The following GPC5 variants were observed in gnomAD, a reference collection of about 807,000 sequenced individuals.
GPC5 encodes glypican 5.
A neutral mutation model predicts 53.9 loss-of-function variants in GPC5; 47 were observed. The observed-to-expected ratio is 0.87, with a 90% CI of 0.69 to 1.11. The LOEUF (loss-of-function observed/expected upper bound fraction) is 1.11. Ranked by LOEUF, GPC5 falls within the 50% of genes most tolerant of loss-of-function variation. GPC5 has a pLI of 0.00. For missense variants in GPC5, 748 were observed against 713.1 expected, an observed-to-expected ratio of 1.05 and a Z score of -0.56; for synonymous variants, 286 against 263.3, an observed-to-expected ratio of 1.09 and a Z score of -0.84.
At chr13:92,194,417 A>T (rs1434768187) in intron 7 of GPC5, among the ~76,000 whole-genome samples, 1 of 152,164 alleles carries the variant, frequency 6.6e-6, no homozygotes, top group Non-Finnish European at 1.5e-5. Context: ...AGGATCCATT[A>T]TTTGCAGATG....
At chr13:92,251,769 A>G (rs2042694333) in intron 7 of GPC5, among the ~76,000 whole-genome samples, 1 of 152,108 alleles carries the variant, frequency 6.6e-6, no homozygotes, top group African/African-American at 2.4e-5. Flanking sequence ...CTGAAAGAAC[A>G]TAGGAAAATG....
intron 7 of GPC5, among the ~76,000 whole-genome samples, chr13:92,798,592 T>C (rs1019140321): frequency 2.0e-5 from 3 of 151,892 alleles, no homozygotes; most frequent in African/African-American, 7.2e-5. Flanking sequence ...GATAGGAATA[T>C]TATCTCAGCT....
chr13:91,727,121 A>G (rs1053666006), intron 3 of GPC5, among the ~76,000 whole-genome samples: 1 of 152,214 alleles, frequency 6.6e-6, no homozygotes, highest in African/African-American at 2.4e-5. Flanking sequence ...TTACCTGTGT[A>G]ACTTTCATCT....
At chr13:92,850,085 C>T (rs1283368237) in intron 7 of GPC5, among the ~76,000 whole-genome samples, 2 of 152,146 alleles carry the variant, frequency 1.3e-5, no homozygotes, top group Non-Finnish European at 2.9e-5. Context: ...TGTATTCCCT[C>T]CTACAATCCC....
intron 7 of GPC5, among the ~76,000 whole-genome samples, chr13:92,712,330 A>G (rs1465284217): frequency 6.6e-6 from 1 of 151,990 alleles, no homozygotes; most frequent in Non-Finnish European, 1.5e-5. Flanking sequence ...AAACCATTAC[A>G]TCTAACCCAA....
intron 7 of GPC5, among the ~76,000 whole-genome samples, chr13:92,260,162 G>A (rs1256358085): frequency 6.6e-6 from 1 of 152,146 alleles, no homozygotes; most frequent in Non-Finnish European, 1.5e-5. Flanking sequence ...GGAAGAAAAA[G>A]ATAAGTCCTG....
At chr13:92,411,133 G>GA (rs1449858784) in intron 7 of GPC5, among the ~76,000 whole-genome samples, 1 of 152,160 alleles carries the variant, frequency 6.6e-6, no homozygotes, top group Non-Finnish European at 1.5e-5. Context: ...TGCCAGGCAT[G>GA]ATGGCGCACG....
At chr13:91,657,728 C>T (rs1380131731) in intron 2 of GPC5, among the ~76,000 whole-genome samples, 1 of 152,106 alleles carries the variant, frequency 6.6e-6, no homozygotes, top group Admixed American at 6.6e-5. Context: ...AGTTATATAA[C>T]TTGTCACAGA....
intron 7 of GPC5, among the ~76,000 whole-genome samples, chr13:92,215,699 T>C (rs966377839): frequency 1.3e-5 from 2 of 152,216 alleles, no homozygotes; most frequent in African/African-American, 4.8e-5. Flanking sequence ...CAGCCCTTCA[T>C]GGTTTCATTC....
intron 7 of GPC5, among the ~76,000 whole-genome samples, chr13:92,499,689 T>C (rs544382144): frequency 6.6e-6 from 1 of 152,300 alleles, no homozygotes; most frequent in Admixed American, 6.5e-5. Flanking sequence ...GATTTAAACT[T>C]CATAAAATTT....
At chr13:91,622,103 C>T (rs1285533912) in intron 2 of GPC5, among the ~76,000 whole-genome samples, 1 of 152,038 alleles carries the variant, frequency 6.6e-6, no homozygotes, top group African/African-American at 2.4e-5. Context: ...CTGCTTTATT[C>T]TAGCCACCCT....
At chr13:91,619,600 A>G (rs1361967732) in intron 2 of GPC5, among the ~76,000 whole-genome samples, 1 of 152,128 alleles carries the variant, frequency 6.6e-6, no homozygotes, top group African/African-American at 2.4e-5. Flanking sequence ...TTGGGGAGAC[A>G]TGCCATAATT....
chr13:91,537,668 G>A (rs1273176122), intron 2 of GPC5, among the ~76,000 whole-genome samples: 3 of 152,078 alleles, frequency 2.0e-5, no homozygotes, highest in African/African-American at 7.2e-5. Flanking sequence ...AAAACATTTG[G>A]TGAGGCCAAT....
chr13:91,880,395 T>C (rs1314404254), intron 5 of GPC5, among the ~76,000 whole-genome samples: 1 of 152,158 alleles, frequency 6.6e-6, no homozygotes, highest in Admixed American at 6.5e-5. Context: ...TGTATGTTTA[T>C]AAATTTTTAC....
At chr13:92,692,132 T>C (rs9561110) in intron 7 of GPC5, among the ~76,000 whole-genome samples, 8,231 of 152,180 alleles carry the variant, frequency 0.054, 598 homozygotes, top group East Asian at 0.31. Flanking sequence ...ACTGTATTTA[T>C]CTATCTGTTT....
chr13:91,867,613 C>T (rs1172784104), intron 5 of GPC5, among the ~76,000 whole-genome samples: 1 of 152,178 alleles, frequency 6.6e-6, no homozygotes, highest in Non-Finnish European at 1.5e-5. Flanking sequence ...AAAGACAATG[C>T]TTTCAGTTTC....
At chr13:91,621,579 T>G (rs2033856034) in intron 2 of GPC5, among the ~76,000 whole-genome samples, 1 of 151,888 alleles carries the variant, frequency 6.6e-6, no homozygotes. Context: ...ATTTTACCAT[T>G]GGTAAGGGAG....
intron 5 of GPC5, among the ~76,000 whole-genome samples, chr13:91,818,738 A>T (rs1566282411): frequency 6.6e-6 from 1 of 152,180 alleles, no homozygotes. Context: ...TCAATAACTC[A>T]GTGCAGGGGA....
At chr13:92,631,747 G>A (rs1885246444) in intron 7 of GPC5, among the ~76,000 whole-genome samples, 1 of 152,050 alleles carries the variant, frequency 6.6e-6, no homozygotes, top group African/African-American at 2.4e-5. Context: ...TCGAAATTTT[G>A]GGGGTGTCAA....
Sources: allele counts gnomAD v4.1 joint callset (sites outside exome capture counted in the v4.1 genomes callset), GRCh38; gene constraint gnomAD v4.1.1; transcripts MANE v1.5; gene names NCBI Gene and HGNC (gene_info 2026-07-23, HGNC 2026-07-21).